Variants in RAP2B observed in about 807,000 individuals in gnomAD.
RAP2B encodes RAP2B, member of RAS oncogene family.
In RAP2B, 6 loss-of-function variants were observed where a neutral mutation model predicts 14.4. The observed-to-expected ratio is 0.42, with a 90% CI of 0.23 to 0.82. The LOEUF is 0.82. Among genes scored for constraint, RAP2B ranks in the 40% least tolerant of loss-of-function variants. The pLI, the probability that RAP2B is intolerant of heterozygous loss-of-function variation, is 0.30. For missense variants in RAP2B, 137 were observed against 248.2 expected (o/e 0.55, Z 3.01); for synonymous variants, 118 against 113.2 (o/e 1.04, Z -0.27).
rs1713677846 is a variant in RAP2B, at chr3:153,169,670, T to C, written c.*6425T>C. ...TACGTTGGTCAGGATGGTCTTGAAC[T>C]TCTGACCTTGTGCTCCACCCACCTC... On this transcript the variant is annotated 3_prime_UTR_variant, in exon 1 of 1. Coordinates refer to ENST00000323534, the MANE Select transcript of RAP2B (RefSeq NM_002886.4). 6.6e-6 allele frequency: 1 copy of C among 152,128 alleles called. No individual in the cohort carries two copies. Among genetic ancestry groups the C allele is most frequent in the South Asian group, 2.1e-4 (1 of 4,834 alleles). The allele number at this position is 152,128 out of a possible 1,614,324, so 9.4% of individuals were successfully genotyped here.
chr3:153,164,871 A>G lies in RAP2B; in HGVS notation c.*1626A>G, dbSNP rs1038889423. 2 of 167,088 alleles carry G rather than the reference A, an allele frequency of 1.2e-5. No homozygotes were observed. Among genetic ancestry groups the G allele is most frequent in the Non-Finnish European group, 2.9e-5 (2 of 68,122 alleles). The allele number at this position is 167,088 out of a possible 1,614,324, so 10.4% of individuals were successfully genotyped here. A position where few individuals can be genotyped will look rare whatever the true frequency, so the allele number is the denominator to read the frequency against. On this transcript the variant is annotated 3_prime_UTR_variant, in exon 1 of 1. Coordinates refer to ENST00000323534, the MANE Select transcript of RAP2B (RefSeq NM_002886.4). ...CAGAAGTGTCTCAGTGACAAGTTGG[A>G]TGACACTACTCCCAACTTTTTAAAT... is the stretch of plus-strand genomic sequence containing the variant.
In RAP2B at chr3:153,162,747, G is replaced by A. The variant is rs1221682455; in HGVS notation, c.54G>A (p.Ala18=). The change falls in exon 1 of 1, where the codon GCG becomes GCA. Residue 18 remains alanine, a synonymous_variant. Transcript: ENST00000323534. The surrounding 1 kb of genome is among the most constrained non-coding windows in gnomAD (Gnocchi z 4.9). The part of the protein sequence containing the change: ...VLGSGGVGKS[A]LTVQFVTGSF... The stretch of plus-strand genomic sequence containing the variant: ...GCTCGGGCGGCGTGGGCAAGTCCGC[G>A]CTCACCGTGCAGTTCGTGACGGGCT... The A allele has an allele frequency of 6.2e-7, 1 of 1,613,828 alleles. No individual in the cohort carries two copies. Among genetic ancestry groups the A allele is most frequent in the East Asian group, 2.2e-5 (1 of 44,882 alleles).
At position 153,162,507 on chromosome 3, in the gene RAP2B, C is replaced by CGCCG. The variant is rs1480302456; in HGVS notation, c.-179_-176dup. On this transcript the variant is annotated 5_prime_UTR_variant, in exon 1 of 1. Transcript: ENST00000323534. This position sits in a 1 kb window ranked among gnomAD's most constrained non-coding sequence, Gnocchi z 4.9. The stretch of plus-strand genomic sequence containing the variant: ...CACCCCAGGGATACGCTGCCGCCGC[C>CGCCG]GCCGGCCGGCCCGGCGCCCGGCCTC... 8 of 622,954 alleles carry CGCCG rather than the reference C, an allele frequency of 1.3e-5. No homozygotes were observed. Among genetic ancestry groups the CGCCG allele is most frequent in the Non-Finnish European group, 2.0e-5 (8 of 400,312 alleles). The allele number at this position is 622,954 out of a possible 1,614,324, so 38.6% of individuals were successfully genotyped here. A position where few individuals can be genotyped will look rare whatever the true frequency, so the allele number is the denominator to read the frequency against.
rs1304348484 is a variant in RAP2B, at chr3:153,165,188, A to G, written c.*1943A>G. On this transcript the variant is annotated 3_prime_UTR_variant, in exon 1 of 1. Coordinates refer to ENST00000323534, the MANE Select transcript of RAP2B (RefSeq NM_002886.4). The stretch of plus-strand genomic sequence containing the variant: ...GGTTTTCAATTCTGAAGTTATACCT[A>G]GTGATGTTTTTTGCAGTACATTTGA... 6.0e-6 allele frequency: 1 copy of G among 167,038 alleles called. No individual in the cohort carries two copies. The highest frequency in any genetic ancestry group is 1.5e-5 in the Non-Finnish European group (1 of 68,106). The allele number at this position is 167,038 out of a possible 1,614,324, so 10.3% of individuals were successfully genotyped here. A position where few individuals can be genotyped will look rare whatever the true frequency, so the allele number is the denominator to read the frequency against.
rs969097660 is a variant in RAP2B, at chr3:153,163,323, G to A, written c.*78G>A. The A allele has an allele frequency of 1.4e-6, 2 of 1,456,594 alleles. No homozygotes were observed. Among genetic ancestry groups the A allele is most frequent in the African/African-American group, 2.9e-5 (2 of 69,742 alleles). The allele number at this position is 1,456,594 out of a possible 1,614,324, so 90.2% of individuals were successfully genotyped here. A position where few individuals can be genotyped will look rare whatever the true frequency, so the allele number is the denominator to read the frequency against. ...ACTCTCTAAATGTGATTTATTTCTT[G>A]CTTTGAGATTGGAGACCACTTTGCA... On this transcript the variant is annotated 3_prime_UTR_variant, in exon 1 of 1. Transcript: ENST00000323534.
At position 153,162,978 on chromosome 3, in the gene RAP2B, C is replaced by T. The variant is rs754184733; in HGVS notation, c.285C>T (p.Pro95=). 1.7e-5 allele frequency: 28 copies of T among 1,614,068 alleles called. No homozygotes were observed. The highest frequency in any genetic ancestry group is 2.3e-5 in the Non-Finnish European group (27 of 1,180,040). The stretch of plus-strand genomic sequence containing the variant: ...AGCAGAGCTTCCAGGACATCAAGCC[C>T]ATGCGGGACCAGATCATCCGCGTGA... ...VNQQSFQDIK[P]MRDQIIRVKR... Residue 95 remains proline (P), a synonymous_variant, in exon 1 of 1, where the codon CCC becomes CCT. Transcript: ENST00000323534. This position sits in a 1 kb window ranked among gnomAD's most constrained non-coding sequence, Gnocchi z 4.9.
rs1015053380 is a variant in RAP2B, at chr3:153,162,303, C to T, written c.-391C>T. ...CGCGGGGACTCATGCCACGCGCGTC[C>T]CGGCCCGACGCGCAATTAGCAGCCA... On this transcript the variant is annotated 5_prime_UTR_variant, in exon 1 of 1. Transcript: ENST00000323534. The surrounding 1 kb of genome is among the most constrained non-coding windows in gnomAD (Gnocchi z 4.9). The T allele has an allele frequency of 1.3e-5, 2 of 157,042 alleles. No individual in the cohort carries two copies. Among genetic ancestry groups the T allele is most frequent in the Non-Finnish European group, 2.8e-5 (2 of 71,764 alleles). The allele number at this position is 157,042 out of a possible 1,614,324, so 9.7% of individuals were successfully genotyped here.
At position 153,162,249 on chromosome 3, in the gene RAP2B, C is replaced by G. The variant is rs543342987; in HGVS notation, c.-445C>G. 1 of 152,946 alleles carries G rather than the reference C, an allele frequency of 6.5e-6. No individual in the cohort carries two copies. Among genetic ancestry groups the G allele is most frequent in the Non-Finnish European group, 1.5e-5 (1 of 68,676 alleles). 9.5% of individuals were successfully genotyped at this position (152,946 alleles called of 1,614,324 possible). Reference sequence around the variant, plus strand: ...CCAGTAGAGGCTGTGGGAGAGAGCGCGATGGGCCGCGGCGGTGGGCGCACG... The same window carrying G: ...CCAGTAGAGGCTGTGGGAGAGAGCGGGATGGGCCGCGGCGGTGGGCGCACG... On this transcript the variant is annotated 5_prime_UTR_variant, in exon 1 of 1. Transcript: ENST00000323534. The surrounding 1 kb of genome is among the most constrained non-coding windows in gnomAD (Gnocchi z 4.9).
Position 153,163,014 on chromosome 3 carries a change from G to T in RAP2B, c.321G>T (p.Glu107Asp), listed in dbSNP as rs1713452970. ...RDQIIRVKRYERVPMILVGNK... is the reference protein window; with the variant it reads ...RDQIIRVKRYDRVPMILVGNK... The stretch of plus-strand genomic sequence containing the variant: ...AGATCATCCGCGTGAAGCGGTACGA[G>T]CGCGTGCCCATGATCCTGGTGGGCA... Residue 107 changes from glutamate to aspartate, a missense_variant, in exon 1 of 1, where the codon GAG becomes GAT. By Grantham distance (45) the Glu-to-Asp change is conservative. Around this residue, in one of 2 missense-constraint regions of RAP2B, gnomAD observed 106 missense variants for 143.5 expected, o/e 0.74. Coordinates refer to ENST00000323534, the MANE Select transcript of RAP2B (RefSeq NM_002886.4). 6.2e-7 allele frequency: 1 copy of T among 1,614,072 alleles called. No individual in the cohort carries two copies. Among genetic ancestry groups the T allele is most frequent in the Admixed American group, 1.7e-5 (1 of 60,014 alleles).
In RAP2B at chr3:153,166,838, A is replaced by C. The variant is rs570105650; in HGVS notation, c.*3593A>C. Reference sequence around the variant, plus strand: ...GTGGTTGGGAATCCTAGAATGCCTGATCTATTTTATCTGTTCAGGTAGTTT... The same window carrying C: ...GTGGTTGGGAATCCTAGAATGCCTGCTCTATTTTATCTGTTCAGGTAGTTT... On this transcript the variant is annotated 3_prime_UTR_variant, in exon 1 of 1. Coordinates refer to ENST00000323534, the MANE Select transcript of RAP2B (RefSeq NM_002886.4). The C allele has an allele frequency of 1.8e-5, 3 of 166,864 alleles. No individual in the cohort carries two copies. In the East Asian group the frequency reaches 5.8e-4, roughly 32 times the overall value. The allele number at this position is 166,864 out of a possible 1,614,324, so 10.3% of individuals were successfully genotyped here.
In RAP2B at chr3:153,162,514, C is replaced by A; in HGVS notation, c.-180C>A. 1 of 682,388 alleles carries A rather than the reference C, an allele frequency of 1.5e-6. No individual in the cohort carries two copies. The highest frequency in any genetic ancestry group is 2.8e-5 in the South Asian group (1 of 35,756). The allele number at this position is 682,388 out of a possible 1,614,324, so 42.3% of individuals were successfully genotyped here. ...GGGATACGCTGCCGCCGCCGCCGGC[C>A]GGCCCGGCGCCCGGCCTCCGTTCGG... On this transcript the variant is annotated 5_prime_UTR_variant, in exon 1 of 1. Coordinates refer to ENST00000323534, the MANE Select transcript of RAP2B (RefSeq NM_002886.4). This position sits in a 1 kb window ranked among gnomAD's most constrained non-coding sequence, Gnocchi z 4.9.
rs1026779032 is a variant in RAP2B, at chr3:153,166,857, G to T, written c.*3612G>T. The T allele has an allele frequency of 6.0e-6, 1 of 166,848 alleles. No individual in the cohort carries two copies. Among genetic ancestry groups the T allele is most frequent in the Admixed American group, 6.5e-5 (1 of 15,274 alleles). The allele number at this position is 166,848 out of a possible 1,614,324, so 10.3% of individuals were successfully genotyped here. ...TGCCTGATCTATTTTATCTGTTCAG[G>T]TAGTTTTGTTATTGTACCCTCTTTT... On this transcript the variant is annotated 3_prime_UTR_variant, in exon 1 of 1. Transcript: ENST00000323534.
In RAP2B at chr3:153,163,304, TA is replaced by T. The variant is rs1713463911; in HGVS notation, c.*62del. On this transcript the variant is annotated 3_prime_UTR_variant, in exon 1 of 1. Transcript: ENST00000323534. ...CAAAAGCCAAACGCATCCGACTCTC[TA>T]AATGTGATTTATTTCTTGCTTTGAG... is the stretch of plus-strand genomic sequence containing the variant. 5 of 1,465,080 alleles carry T rather than the reference TA, an allele frequency of 3.4e-6. No homozygotes were observed. Among genetic ancestry groups the T allele is most frequent in the Admixed American group, 2.7e-5 (1 of 36,728 alleles). The allele number at this position is 1,465,080 out of a possible 1,614,324, so 90.8% of individuals were successfully genotyped here. A position where few individuals can be genotyped will look rare whatever the true frequency, so the allele number is the denominator to read the frequency against.
chr3:153,168,598 C>T lies in RAP2B; in HGVS notation c.*5353C>T, dbSNP rs537342994. ...GGAACATGGAGTGTTACATCTGAAA[C>T]TATTCTATTAGAAGGTGAAAAGTGT... On this transcript the variant is annotated 3_prime_UTR_variant, in exon 1 of 1. Coordinates refer to ENST00000323534, the MANE Select transcript of RAP2B (RefSeq NM_002886.4). The T allele has an allele frequency of 6.5e-6, 1 of 152,968 alleles. No homozygotes were observed. The highest frequency in any genetic ancestry group is 2.1e-4 in the South Asian group (1 of 4,828). The allele number at this position is 152,968 out of a possible 1,614,324, so 9.5% of individuals were successfully genotyped here. A position where few individuals can be genotyped will look rare whatever the true frequency, so the allele number is the denominator to read the frequency against.
rs1713567678 is a variant in RAP2B at position 153,166,092 on chromosome 3, C to T, written c.*2847C>T. On this transcript the variant is annotated 3_prime_UTR_variant, in exon 1 of 1. Coordinates refer to ENST00000323534, the MANE Select transcript of RAP2B (RefSeq NM_002886.4). ...TAATCACCTCCGCCCAGGATTTAGT[C>T]ACTTGCAGGACCTCTTTATAGTCTA... The T allele has an allele frequency of 1.2e-5, 2 of 166,992 alleles. No individual in the cohort carries two copies. The highest frequency in any genetic ancestry group is 4.1e-4 in the South Asian group (2 of 4,830). The allele number at this position is 166,992 out of a possible 1,614,324, so 10.3% of individuals were successfully genotyped here.
In RAP2B at chr3:153,162,674, G is replaced by A. The variant is rs779584256; in HGVS notation, c.-20G>A. 13 of 1,575,604 alleles carry A rather than the reference G, an allele frequency of 8.3e-6. No homozygotes were observed. Among genetic ancestry groups the A allele is most frequent in the South Asian group, 6.9e-5 (6 of 87,490 alleles). ...CCCCGACGGGGCCGCGGCAGGCGCG[G>A]CGAGAGCGCTGACGGAGCCATGAGA... On this transcript the variant is annotated 5_prime_UTR_variant, in exon 1 of 1. Transcript: ENST00000323534. This position sits in a 1 kb window ranked among gnomAD's most constrained non-coding sequence, Gnocchi z 4.9.
chr3:153,163,422 G>A lies in RAP2B; in HGVS notation c.*177G>A. 1 of 793,978 alleles carries A rather than the reference G, an allele frequency of 1.3e-6. No homozygotes were observed. The highest frequency in any genetic ancestry group is 1.9e-5 in the South Asian group (1 of 53,504). The allele number at this position is 793,978 out of a possible 1,614,324, so 49.2% of individuals were successfully genotyped here. On this transcript the variant is annotated 3_prime_UTR_variant, in exon 1 of 1. Transcript: ENST00000323534. ...CCTGCCTCCACCCTGTGCCCGAGGG[G>A]GTGTCCGGTCCTGCCCATCCGATAC...
Position 153,162,937 on chromosome 3 carries a change from T to G in RAP2B, c.244T>G (p.Tyr82Asp). ...IKNGQGFILV[Y>D]SLVNQQSFQD... ...GAACGGCCAGGGCTTCATCCTGGTC[T>G]ACAGCCTCGTCAACCAGCAGAGCTT... Residue 82 changes from tyrosine (Y) to aspartate (D), a missense_variant, in exon 1 of 1, where the codon TAC becomes GAC. By Grantham distance (160) the Tyr-to-Asp change is radical (BLOSUM62 -3). This residue lies in a region of RAP2B where 106 missense variants were observed against 143.5 expected (regional missense o/e 0.74). Coordinates refer to ENST00000323534, the MANE Select transcript of RAP2B (RefSeq NM_002886.4). The surrounding 1 kb of genome is among the most constrained non-coding windows in gnomAD (Gnocchi z 4.9). The G allele has an allele frequency of 6.2e-7, 1 of 1,614,114 alleles. No individual in the cohort carries two copies. Among genetic ancestry groups the G allele is most frequent in the Non-Finnish European group, 8.5e-7 (1 of 1,180,022 alleles).
Position 153,162,620 on chromosome 3 carries a change from C to T in RAP2B, c.-74C>T, listed in dbSNP as rs1713440715. On this transcript the variant is annotated 5_prime_UTR_variant, in exon 1 of 1. Transcript: ENST00000323534. This position sits in a 1 kb window ranked among gnomAD's most constrained non-coding sequence, Gnocchi z 4.9. ...TGAGGAAGGGGAAGAGAAGTCCAGC[C>T]GCCAAGCCCAGCCTTCCCCGGCGCG... 6.8e-7 allele frequency: 1 copy of T among 1,469,504 alleles called. No homozygotes were observed. Among genetic ancestry groups the T allele is most frequent in the Non-Finnish European group, 9.0e-7 (1 of 1,107,890 alleles). 91.0% of individuals were successfully genotyped at this position (1,469,504 alleles called of 1,614,324 possible).
Sources: allele counts gnomAD v4.1 joint callset, GRCh38; gene constraint gnomAD v4.1.1; regional missense constraint gnomAD v4.1.1; non-coding constraint Gnocchi (gnomAD v3.1); transcripts MANE v1.5; gene names NCBI Gene and HGNC (gene_info 2026-07-23, HGNC 2026-07-21).